TENM4: variants seen among roughly 807,000 people sequenced by gnomAD.
TENM4 encodes teneurin-4.
A neutral mutation model predicts 243.3 loss-of-function variants in TENM4; 82 were observed. The observed-to-expected ratio is 0.34, with a 90% confidence interval of 0.28 to 0.40. The LOEUF is 0.40. Ranked by LOEUF, TENM4 falls within the 10% of genes least tolerant of loss-of-function variation. The pLI is 1.00. For synonymous variants in TENM4, 1,412 were observed against 1,456.3 expected (o/e 0.97, Z 0.69); for missense variants, 3,138 against 3,673.3 (o/e 0.85, Z 3.77).
intron 30 of TENM4, among the ~76,000 whole-genome samples, chr11:78,675,397 C>T (rs1858442507): frequency 6.6e-6 from 1 of 152,208 alleles, no homozygotes; most frequent in Non-Finnish European, 1.5e-5. Flanking sequence ...ATCTCCTGAG[C>T]ACCCATGGTG....
intron 6 of TENM4, among the ~76,000 whole-genome samples, chr11:78,954,824 C>T (rs572785839): frequency 6.6e-6 from 1 of 152,350 alleles, no homozygotes; most frequent in South Asian, 2.1e-4. Context: ...CAGACTAAGA[C>T]AGTGACACAG....
At chr11:78,770,644 G>A (rs1856627538) in intron 18 of TENM4, among the ~76,000 whole-genome samples, 1 of 152,140 alleles carries the variant, frequency 6.6e-6, no homozygotes, top group African/African-American at 2.4e-5. Flanking sequence ...AGAATTAGAT[G>A]GTCTCTTCTT....
chr11:78,855,947 T>C lies in TENM4; in HGVS notation c.1470+17A>G, dbSNP rs1858670730. 1.3e-6 allele frequency: 2 copies of C among 1,550,266 alleles called. No individual in the cohort carries two copies. Among genetic ancestry groups the C allele is most frequent in the African/African-American group, 2.7e-5 (2 of 73,126 alleles). Reference sequence around the variant, plus strand: ...GGAGCCCATGCAGATCAACAGGGTATGTGGGGTTCTGGTTACCTGTGTATG... The same window carrying C: ...GGAGCCCATGCAGATCAACAGGGTACGTGGGGTTCTGGTTACCTGTGTATG... On this transcript the variant is annotated intron_variant, in intron 11 of 33. Transcript: ENST00000278550.
intron 2 of TENM4, among the ~76,000 whole-genome samples, chr11:79,293,630 T>G (rs556000998): frequency 1.5e-3 from 233 of 152,190 alleles, no homozygotes; most frequent in Non-Finnish European, 2.8e-3. Flanking sequence ...AGAGTTGAAG[T>G]GCAGCGACTA....
rs188011027 is a variant in TENM4, at chr11:79,330,289, A to G, written c.-320-32746T>C. Among the ~76,000 whole-genome samples the G allele has an allele frequency of 4.6e-5, 7 of 152,310 alleles. No individual in the cohort carries two copies. The East Asian group carries it at 1.4e-3, about 29-fold the overall frequency. ...AATGGACTGGCCATGGGAGTGAGGA[A>G]AATGGAAGAATTGATGGGGACTCCT... On this transcript the variant is annotated intron_variant, in intron 1 of 33. Coordinates refer to ENST00000278550, the MANE Select transcript of TENM4 (RefSeq NM_001098816.3).
intron 6 of TENM4, among the ~76,000 whole-genome samples, chr11:79,025,120 C>T (rs548420011): frequency 4.3e-4 from 65 of 152,234 alleles, no homozygotes; most frequent in African/African-American, 1.5e-3. Context: ...TCAAAGAACC[C>T]CCACTTCTTG....
intron 2 of TENM4, among the ~76,000 whole-genome samples, chr11:79,264,760 C>A (rs1855855707): frequency 6.6e-6 from 1 of 152,216 alleles, no homozygotes; most frequent in South Asian, 2.1e-4. Context: ...CCAATGGAAT[C>A]AGAATCTCCG....
chr11:78,845,389 A>G (rs1420930773), intron 12 of TENM4, among the ~76,000 whole-genome samples: 2 of 152,228 alleles, frequency 1.3e-5, no homozygotes, highest in Non-Finnish European at 2.9e-5. Flanking sequence ...GGTAAGACTT[A>G]TCCAAAATCC....
At chr11:78,877,774 TGCTTG>T (rs1006745201) in intron 9 of TENM4, among the ~76,000 whole-genome samples, 7 of 152,218 alleles carry the variant, frequency 4.6e-5, no homozygotes, top group Non-Finnish European at 8.8e-5. Context: ...ACTCAGAAAC[TGCTTG>T]GCCCTCAAAT....
chr11:79,053,031 A>T (rs997521177), intron 6 of TENM4, among the ~76,000 whole-genome samples: 1 of 152,204 alleles, frequency 6.6e-6, no homozygotes, highest in Non-Finnish European at 1.5e-5. Flanking sequence ...TCAGCTTTTA[A>T]TCTTTGCCTC....
intron 19 of TENM4, among the ~76,000 whole-genome samples, chr11:78,744,626 T>G (rs1856003906): frequency 1.3e-5 from 2 of 152,222 alleles, no homozygotes; most frequent in Admixed American, 6.5e-5. Context: ...AATTCAGGGT[T>G]CACATAATTA....
intron 3 of TENM4, among the ~76,000 whole-genome samples, chr11:79,185,436 C>G (rs1863364240): frequency 6.6e-6 from 1 of 152,186 alleles, no homozygotes; most frequent in African/African-American, 2.4e-5. Flanking sequence ...AAGTGACAGA[C>G]TAGAAGATTA....
intron 1 of TENM4, among the ~76,000 whole-genome samples, chr11:79,416,820 A>G (rs530759119): frequency 1.8e-4 from 28 of 152,180 alleles, no homozygotes; most frequent in African/African-American, 6.0e-4. Context: ...TTTTGCGCAA[A>G]GCTTGCGTCT....
intron 1 of TENM4, among the ~76,000 whole-genome samples, chr11:79,326,202 T>C (rs867613815): frequency 6.6e-6 from 1 of 152,212 alleles, no homozygotes; most frequent in African/African-American, 2.4e-5. Flanking sequence ...GCCTGCAGAA[T>C]GAAGTACAAG....
At chr11:79,307,800 C>A (rs511548) in intron 1 of TENM4, among the ~76,000 whole-genome samples, 82,980 of 151,766 alleles carry the variant, frequency 0.55, 24,011 homozygotes, top group East Asian at 0.77. Flanking sequence ...AGATTCCCCA[C>A]CAAGGATCTT....
intron 2 of TENM4, among the ~76,000 whole-genome samples, chr11:79,225,425 T>G (rs969567145): frequency 1.3e-5 from 2 of 152,118 alleles, no homozygotes; most frequent in Non-Finnish European, 2.9e-5. Context: ...TCCTCCTGCT[T>G]TTTTTTGAGA....
intron 6 of TENM4, among the ~76,000 whole-genome samples, chr11:78,911,103 T>C (rs913602917): frequency 5.3e-5 from 8 of 152,352 alleles, no homozygotes; most frequent in African/African-American, 1.9e-4. Flanking sequence ...GAAGGGACAA[T>C]GTATGAAAAA....
At chr11:78,952,444 C>T (rs1348187614) in intron 6 of TENM4, among the ~76,000 whole-genome samples, 2 of 152,152 alleles carry the variant, frequency 1.3e-5, no homozygotes, top group African/African-American at 4.8e-5. Flanking sequence ...TGAGAGGTAA[C>T]AGCTGGAACA....
chr11:79,139,806 A>ATATATTT (rs1862249966), intron 4 of TENM4, among the ~76,000 whole-genome samples: 2 of 121,762 alleles, frequency 1.6e-5, no homozygotes, highest in African/African-American at 6.4e-5. Flanking sequence ...TAAATATATA[A>ATATATTT]TATATATTTT....
Sources: allele counts gnomAD v4.1 joint callset (sites outside exome capture counted in the v4.1 genomes callset), GRCh38; gene constraint gnomAD v4.1.1; transcripts MANE v1.5; gene names NCBI Gene and HGNC (gene_info 2026-07-23, HGNC 2026-07-21).